Variants in LRP3 observed in about 807,000 individuals in gnomAD.
LRP3 encodes the protein low-density lipoprotein receptor-related protein 3.
Under a neutral mutation model 58.5 loss-of-function variants are expected in LRP3, and 49 were observed. That is an observed-to-expected ratio of 0.84 (90% confidence interval 0.67 to 1.06). The LOEUF is 1.06. LRP3 is among the 50% of genes least tolerant of loss of function. The probability of loss-of-function intolerance (pLI) is 0.00; values close to 1 mark genes in which losing one functional copy is unlikely to be tolerated. For missense variants in LRP3, 1,019 were observed against 1,134.2 expected, an observed-to-expected ratio of 0.90 and a Z score of 1.46; for synonymous variants, 485 against 492.2, an observed-to-expected ratio of 0.99 and a Z score of 0.20.
chr19:33,202,727 C>T (rs969582527), intron 2 of LRP3, 121 bp from the exon 3 acceptor site: 9 of 1,200,308 alleles, frequency 7.5e-6, no homozygotes, highest in Non-Finnish European at 1.0e-5. Flanking sequence ...TGGCCATGGC[C>T]ACCCTTGGCT....
Position 33,194,643 on chromosome 19 carries a change from C to CTG in LRP3, c.-143_-142insTG, listed in dbSNP as rs1974264687. The CTG allele has an allele frequency of 5.8e-6, 1 of 172,396 alleles. No individual in the cohort carries two copies. 10.7% of individuals were successfully genotyped at this position (172,396 alleles called of 1,614,324 possible). On this transcript the variant is annotated 5_prime_UTR_variant, in exon 1 of 7. An upstream open reading frame in the 5' UTR gains an earlier in-frame stop. Transcript: ENST00000253193. ...CGGGAGCCGCCGCCTGCACCCGGGCCGCAGCAGCCACGCCAGCCGGAGCCC... is the reference window on the plus strand; with the variant it reads ...CGGGAGCCGCCGCCTGCACCCGGGCCTGGCAGCAGCCACGCCAGCCGGAGCCC...
intron 4 of LRP3, 174 bp downstream of exon 4, chr19:33,205,026 CCT>C: frequency 1.3e-6 from 1 of 741,124 alleles, no homozygotes; most frequent in Non-Finnish European, 2.2e-6. Flanking sequence ...ATGCCTTGGA[CCT>C]CTCAAGGTCA....
At chr19:33,199,427 C>T (rs571874658) in intron 2 of LRP3, among the ~76,000 whole-genome samples, 93 of 150,576 alleles carry the variant, frequency 6.2e-4, no homozygotes, top group Admixed American at 1.2e-3. Context: ...GAGCTGTGAT[C>T]GCACCACTGC....
chr19:33,194,394 C>T lies in LRP3; in HGVS notation c.-392C>T, dbSNP rs1685877554. Among the ~76,000 whole-genome samples the T allele has an allele frequency of 6.9e-6, 1 of 144,774 alleles. No individual in the cohort carries two copies. Among genetic ancestry groups the T allele is most frequent in the African/African-American group, 2.5e-5 (1 of 40,424 alleles). The allele number at this position is 144,774 out of a possible 152,430, so 95.0% of individuals were successfully genotyped here. A position where few individuals can be genotyped will look rare whatever the true frequency, so the allele number is the denominator to read the frequency against. ...GCGGGCTGGGCGCAGCGCGGGGCGG[C>T]CCGGGGACGCCGGGGCCGGGCGGGC... is the stretch of plus-strand genomic sequence containing the variant. On this transcript the variant is annotated 5_prime_UTR_variant, in exon 1 of 7. Coordinates refer to ENST00000253193, the MANE Select transcript of LRP3 (RefSeq NM_002333.4).
intron 2 of LRP3, among the ~76,000 whole-genome samples, chr19:33,201,662 C>T (rs1254331062): frequency 1.3e-5 from 2 of 152,164 alleles, no homozygotes; most frequent in East Asian, 3.9e-4. Flanking sequence ...GGGGTCGTCC[C>T]TCACCTCAGT....
rs777597307 is a variant in LRP3 at position 33,205,944 on chromosome 19, T to C, written c.1174T>C (p.Phe392Leu). Residue 392 changes from phenylalanine (F) to leucine (L), a missense_variant, in exon 5 of 7, where the codon TTC becomes CTC. Physicochemically the swap from Phe to Leu is conservative, Grantham distance 22. This residue lies in a region of LRP3 where 592 missense variants were observed against 725.5 expected (regional missense o/e 0.82). Coordinates refer to ENST00000253193, the MANE Select transcript of LRP3 (RefSeq NM_002333.4). ...DGGSLGDQGC[F>L]SEPQRCDGWW... Reference sequence around the variant, plus strand: ...GGGCAGCCTGGGCGACCAGGGCTGCTTCTCAGAGCCACAGCGCTGTGATGG... The same window carrying C: ...GGGCAGCCTGGGCGACCAGGGCTGCCTCTCAGAGCCACAGCGCTGTGATGG... The C allele has an allele frequency of 6.3e-7, 1 of 1,593,874 alleles. No individual in the cohort carries two copies. Among genetic ancestry groups the C allele is most frequent in the Non-Finnish European group, 8.5e-7 (1 of 1,170,404 alleles).
At position 33,202,879 on chromosome 19, in the gene LRP3, G is replaced by A. The variant is rs1056034; in HGVS notation, c.153G>A (p.Thr51=). ...AACSGKLEQH[T]ERRGVIYSPA... is the part of the protein sequence containing the mutation. Reference sequence around the variant, plus strand: ...GCAGTGGGAAGCTGGAGCAGCACACGGAGCGGCGTGGGGTCATCTACAGCC... The same window carrying A: ...GCAGTGGGAAGCTGGAGCAGCACACAGAGCGGCGTGGGGTCATCTACAGCC... Residue 51 remains threonine (T), a synonymous_variant, in exon 3 of 7, where the codon ACG becomes ACA. Transcript: ENST00000253193. 83,095 of 1,610,438 alleles carry A rather than the reference G, an allele frequency of 0.052. 2,509 individuals are homozygous for A. Among genetic ancestry groups the A allele is most frequent in the East Asian group, 0.14 (6,100 of 44,706 alleles).
Position 33,205,655 on chromosome 19 carries a change from G to T in LRP3, c.885G>T (p.Leu295=). 1 of 1,609,520 alleles carries T rather than the reference G, an allele frequency of 6.2e-7. No homozygotes were observed. ...ACACACAGGACTCCCGGCGGGTGCT[G>T]CTGCAGCTGGAACTGCGGCTGGGCT... The part of the protein sequence containing the change: ...LVDTQDSRRV[L]LQLELRLGYD... Residue 295 remains leucine (L), a synonymous_variant, in exon 5 of 7, where the codon CTG becomes CTT. Coordinates refer to ENST00000253193, the MANE Select transcript of LRP3 (RefSeq NM_002333.4).
chr19:33,197,490 G>A (rs1974297524), intron 2 of LRP3, among the ~76,000 whole-genome samples: 1 of 152,176 alleles, frequency 6.6e-6, no homozygotes, highest in Non-Finnish European at 1.5e-5. Flanking sequence ...AGCTGGGCAC[G>A]GTGGCATGTG....
intron 2 of LRP3, among the ~76,000 whole-genome samples, chr19:33,202,099 C>T (rs3786929): frequency 0.062 from 9,418 of 152,282 alleles, 310 homozygotes; most frequent in East Asian, 0.13. Context: ...AAGTCGCTGA[C>T]CCTCTCTGAG....
chr19:33,203,120 C>A, intron 3 of LRP3, 134 bp downstream of exon 3: 4 of 1,112,650 alleles, frequency 3.6e-6, no homozygotes, highest in Non-Finnish European at 3.8e-6. Flanking sequence ...GGTGTGGGAT[C>A]ATGTGCATGT....
chr19:33,196,379 C>T (rs1488506410), intron 1 of LRP3, among the ~76,000 whole-genome samples: 2 of 151,886 alleles, frequency 1.3e-5, no homozygotes, highest in Admixed American at 6.5e-5. Flanking sequence ...ACAGTGAGAC[C>T]TCATCTCTAC....
chr19:33,200,446 A>T (rs1054162337), intron 2 of LRP3, among the ~76,000 whole-genome samples: 2 of 152,016 alleles, frequency 1.3e-5, no homozygotes, highest in Non-Finnish European at 1.5e-5. Flanking sequence ...GGTCAGGCTG[A>T]TCTCAAACTC....
Position 33,207,813 on chromosome 19 carries a change from T to G in LRP3, c.*238T>G. On this transcript the variant is annotated 3_prime_UTR_variant, in exon 7 of 7. Coordinates refer to ENST00000253193, the MANE Select transcript of LRP3 (RefSeq NM_002333.4). ...AGGGTCCCATTGTACACAAGCACCC[T>G]GGGGTCTCACTTCTCTCCCCCCACT... is the stretch of plus-strand genomic sequence containing the variant. The G allele has an allele frequency of 1.8e-6, 1 of 549,532 alleles. No individual in the cohort carries two copies. Among genetic ancestry groups the G allele is most frequent in the Non-Finnish European group, 3.2e-6 (1 of 312,284 alleles). The allele number at this position is 549,532 out of a possible 1,614,324, so 34.0% of individuals were successfully genotyped here. A position where few individuals can be genotyped will look rare whatever the true frequency, so the allele number is the denominator to read the frequency against.
chr19:33,207,633 C>A lies in LRP3; in HGVS notation c.*58C>A. The stretch of plus-strand genomic sequence containing the variant: ...GCTTTGTAACCAGGGAATACACAGT[C>A]ATTTCTACCCTGCCTCTGCGTCCTT... On this transcript the variant is annotated 3_prime_UTR_variant, in exon 7 of 7. Coordinates refer to ENST00000253193, the MANE Select transcript of LRP3 (RefSeq NM_002333.4). 2.3e-6 allele frequency: 3 copies of A among 1,289,910 alleles called. No individual in the cohort carries two copies. The highest frequency in any genetic ancestry group is 3.3e-6 in the Non-Finnish European group (3 of 910,626). 79.9% of individuals were successfully genotyped at this position (1,289,910 alleles called of 1,614,324 possible). A position where few individuals can be genotyped will look rare whatever the true frequency, so the allele number is the denominator to read the frequency against.
rs1322255273 is a variant in LRP3 at position 33,207,508 on chromosome 19, G to A, written c.2246G>A (p.Arg749Lys). 5.0e-6 allele frequency: 8 copies of A among 1,603,658 alleles called. No homozygotes were observed. Among genetic ancestry groups the A allele is most frequent in the Non-Finnish European group, 6.8e-6 (8 of 1,178,270 alleles). ...TCGCCAGAGCCACTGGGGGTCTGCA[G>A]GAACCCCCCGCCCCCCTGCTCCCCA... is the stretch of plus-strand genomic sequence containing the variant. ...PHSPEPLGVCRNPPPPCSPML... is the reference protein window; with the variant it reads ...PHSPEPLGVCKNPPPPCSPML... The change falls in exon 7 of 7, where the codon AGG (arginine) becomes AAG (lysine). Residue 749 changes from arginine to lysine, a missense_variant. Arg to Lys is a conservative substitution (Grantham distance 26, BLOSUM62 2). Transcript: ENST00000253193.
intron 3 of LRP3, chr19:33,204,377 G>A (rs905830222): frequency 3.8e-6 from 2 of 532,628 alleles, no homozygotes; most frequent in East Asian, 3.1e-5. Flanking sequence ...AAGGGGAGCC[G>A]CAGCAGAGCT....
Position 33,207,517 on chromosome 19 carries a change from CG to C in LRP3, c.2256del (p.Cys755AlafsTer23), listed in dbSNP as rs1974438112. 2 of 1,604,332 alleles carry C rather than the reference CG, an allele frequency of 1.2e-6. No homozygotes were observed. The highest frequency in any genetic ancestry group is 1.3e-5 in the African/African-American group (1 of 74,894). On this transcript the variant is annotated frameshift_variant, in exon 7 of 7. Coordinates refer to ENST00000253193, the MANE Select transcript of LRP3 (RefSeq NM_002333.4). LOFTEE classifies it high-confidence loss of function. ...CCACTGGGGGTCTGCAGGAACCCCC[CG>C]CCCCCCTGCTCCCCAATGCTGGAGG... The part of the protein sequence containing the change: ...PEPLGVCRNP[P>X]PPCSPMLEAS...
chr19:33,201,942 C>T (rs528595322), intron 2 of LRP3, among the ~76,000 whole-genome samples: 3 of 152,178 alleles, frequency 2.0e-5, no homozygotes, highest in African/African-American at 7.2e-5. Context: ...TTTGAGCTGG[C>T]GGGCGTGATG....
Sources: gnomAD v4.1 joint callset for allele counts (sites outside exome capture counted in the v4.1 genomes callset) on GRCh38, gnomAD v4.1.1 for gene constraint, gnomAD v4.1.1 regional missense constraint, MANE v1.5 for transcripts, NCBI Gene and HGNC (gene_info 2026-07-23, HGNC 2026-07-21) for gene names.